SGO2: variants seen among roughly 807,000 people sequenced by gnomAD.
SGO2 encodes shugoshin-like 2.
SGO2 carries 68 observed loss-of-function variants against 99.5 expected under a neutral mutation model. That is an observed-to-expected ratio of 0.68 (90% CI 0.56 to 0.84). The LOEUF is 0.84. SGO2 is among the 40% of genes least tolerant of loss of function. SGO2 has a pLI of 0.00. For missense variants in SGO2, 1,350 were observed against 1,436.7 expected (o/e 0.94, Z 0.97); for synonymous variants, 457 against 487.1 (o/e 0.94, Z 0.81).
chr2:200,562,767 C>T (rs2033025294), intron 5 of SGO2, among the ~76,000 whole-genome samples: 1 of 152,076 alleles, frequency 6.6e-6, no homozygotes. Flanking sequence ...TGAAGAGGTC[C>T]TTCACATCCC....
chr2:200,550,763 G>A (rs1333772416), intron 5 of SGO2, among the ~76,000 whole-genome samples: 10 of 152,030 alleles, frequency 6.6e-5, no homozygotes, highest in Admixed American at 6.6e-4. Context: ...AACACTTCAG[G>A]AGTGATCTGG....
intron 5 of SGO2, among the ~76,000 whole-genome samples, chr2:200,544,482 A>G (rs949067518): frequency 1.3e-5 from 2 of 152,078 alleles, no homozygotes; most frequent in African/African-American, 4.8e-5. Context: ...GGATTTTACC[A>G]TGTTGGCCAG....
intron 1 of SGO2, among the ~76,000 whole-genome samples, chr2:200,529,137 G>A (rs1458781674): frequency 6.6e-6 from 1 of 152,190 alleles, no homozygotes; most frequent in African/African-American, 2.4e-5. Context: ...AAGGAGTTTT[G>A]CTGTGAAGGG....
At chr2:200,537,755 G>C (rs2031761503) in intron 4 of SGO2, among the ~76,000 whole-genome samples, 1 of 151,992 alleles carries the variant, frequency 6.6e-6, no homozygotes, top group South Asian at 2.1e-4. Flanking sequence ...TGTAACTCCA[G>C]CCTGACCATC....
intron 2 of SGO2, among the ~76,000 whole-genome samples, chr2:200,534,111 T>C (rs1305358941): frequency 6.6e-6 from 1 of 152,212 alleles, no homozygotes; most frequent in Non-Finnish European, 1.5e-5. Flanking sequence ...TCCCAAGTTT[T>C]CCCTGAGTAC....
At chr2:200,579,576 T>C (rs1198932315) in intron 8 of SGO2, among the ~76,000 whole-genome samples, 1 of 152,218 alleles carries the variant, frequency 6.6e-6, no homozygotes, top group African/African-American at 2.4e-5. Flanking sequence ...TGAATGATTG[T>C]TGAATTTTGT....
At chr2:200,533,145 A>ATCTACAACTTTTCCT in intron 2 of SGO2, 37 bp downstream of exon 2, 1 of 1,516,378 alleles carries the variant, frequency 6.6e-7, no homozygotes, top group Non-Finnish European at 8.8e-7. Context: ...CTCACGTTTT[A>ATCTACAACTTTTCCT]ACTTTTCCCC....
chr2:200,541,043 A>G (rs2031938717), intron 4 of SGO2, among the ~76,000 whole-genome samples: 2 of 152,220 alleles, frequency 1.3e-5, no homozygotes, highest in South Asian at 2.1e-4. Context: ...AAGGCAAGAA[A>G]GCATGCAAGA....
Position 200,573,550 on chromosome 2 carries a change from G to C in SGO2, c.3204G>C (p.Gln1068His). 1.2e-6 allele frequency: 2 copies of C among 1,606,916 alleles called. No homozygotes were observed. Among genetic ancestry groups the C allele is most frequent in the South Asian group, 2.2e-5 (2 of 89,102 alleles). The change falls in exon 7 of 9, where the codon CAG (glutamine) becomes CAC (histidine). Residue 1068 changes from glutamine (Q) to histidine (H), a missense_variant. Physicochemically the swap from Gln to His is conservative, Grantham distance 24. Coordinates refer to ENST00000357799, the MANE Select transcript of SGO2 (RefSeq NM_152524.6). ...AAGAAATAAAAGAAGGAGAGTGTCA[G>C]GTTAAAAAGGTAAATAAAATGACAT... The part of the protein sequence containing the change: ...FVEEIKEGEC[Q>H]VKKVNKMTSK...
chr2:200,563,633 G>A (rs1331894712), intron 5 of SGO2, among the ~76,000 whole-genome samples: 1 of 152,174 alleles, frequency 6.6e-6, no homozygotes, highest in Admixed American at 6.5e-5. Flanking sequence ...AGAAGGAATG[G>A]TACCAACTCC....
At chr2:200,582,105 T>C (rs1247205747) in intron 8 of SGO2, among the ~76,000 whole-genome samples, 1 of 152,178 alleles carries the variant, frequency 6.6e-6, no homozygotes, top group Non-Finnish European at 1.5e-5. Flanking sequence ...GGTGCAGGAA[T>C]CTACCCTCTT....
intron 8 of SGO2, among the ~76,000 whole-genome samples, chr2:200,579,390 A>G (rs1053020616): frequency 2.6e-5 from 4 of 152,308 alleles, no homozygotes; most frequent in Non-Finnish European, 1.5e-5. Context: ...CTCAGGTACA[A>G]TGTTAAAATA....
At position 200,551,694 on chromosome 2, in the gene SGO2, A is replaced by AT. The variant is rs570104102; in HGVS notation, c.473+9040dup. ...GGTATGATGGGAGGGAAGGGTCATA[A>AT]TTTTTTTTTTCATGTAGGTATCTTA... On this transcript the variant is annotated intron_variant, in intron 5 of 8. Transcript: ENST00000357799. Among the ~76,000 whole-genome samples the AT allele has an allele frequency of 1.8e-3, 269 of 149,952 alleles. 10 individuals are homozygous for AT. The South Asian group carries it at 0.051, about 28-fold the overall frequency.
rs186335866 is a variant in SGO2 at position 200,548,228 on chromosome 2, G to A, written c.473+5564G>A. 5.1e-3 allele frequency among the ~76,000 whole-genome samples: 772 copies of A among 151,174 alleles called. 1 individual carries two copies. The highest frequency in any genetic ancestry group is 0.014 in the Middle Eastern group (4 of 294). Reference sequence around the variant, plus strand: ...TTTTTAAGAATAGACCATATCTTAGGCACAAACAAATCTGTACAAGTTCAA... The same window carrying A: ...TTTTTAAGAATAGACCATATCTTAGACACAAACAAATCTGTACAAGTTCAA... On this transcript the variant is annotated intron_variant, in intron 5 of 8. Coordinates refer to ENST00000357799, the MANE Select transcript of SGO2 (RefSeq NM_152524.6).
intron 4 of SGO2, among the ~76,000 whole-genome samples, chr2:200,537,177 G>T (rs965939484): frequency 2.0e-5 from 3 of 151,970 alleles, no homozygotes; most frequent in African/African-American, 7.2e-5. Context: ...GGACACTTGG[G>T]TTATCCTTTG....
intron 5 of SGO2, 80 bp downstream of exon 5, chr2:200,542,744 G>A: frequency 3.2e-6 from 4 of 1,248,248 alleles, no homozygotes; most frequent in East Asian, 4.8e-5. Context: ...GTATTGTACA[G>A]TGTTCAGGAT....
At chr2:200,555,166 A>G (rs1357455443) in intron 5 of SGO2, among the ~76,000 whole-genome samples, 1 of 152,240 alleles carries the variant, frequency 6.6e-6, no homozygotes, top group Non-Finnish European at 1.5e-5. Flanking sequence ...CTTTTCCCAA[A>G]GATTAGTTAA....
Position 200,573,669 on chromosome 2 carries a change from C to G in SGO2, c.3323C>G (p.Thr1108Ser). The change falls in exon 7 of 9, where the codon ACT (threonine) becomes AGT (serine). Residue 1108 changes from threonine to serine, a missense_variant. By Grantham distance (58) the Thr-to-Ser change is moderately conservative (BLOSUM62 1). Transcript: ENST00000357799. ...CTTGACAGCGTTCAGGGAAAGTCTACTGTATCTGAACAAGCTGATAAGGAA... is the reference window on the plus strand; with the variant it reads ...CTTGACAGCGTTCAGGGAAAGTCTAGTGTATCTGAACAAGCTGATAAGGAA... The part of the protein sequence containing the change: ...RILDSVQGKS[T>S]VSEQADKENN... 1.2e-6 allele frequency: 2 copies of G among 1,613,334 alleles called. No homozygotes were observed. Among genetic ancestry groups the G allele is most frequent in the Non-Finnish European group, 1.7e-6 (2 of 1,179,524 alleles).
In SGO2 at chr2:200,533,006, C is replaced by T. The variant is rs756217216; in HGVS notation, c.31C>T (p.Leu11Phe). Residue 11 changes from leucine to phenylalanine, a missense_variant, in exon 2 of 9, where the codon CTT becomes TTT. By Grantham distance (22) the Leu-to-Phe change is conservative. Transcript: ENST00000357799. The part of the protein sequence containing the change: MECPVMETGS[L>F]FTSGIKRHLK... ...GTGCCCAGTGATGGAAACTGGCTCA[C>T]TTTTTACCTCAGGAATTAAGAGACA... The T allele has an allele frequency of 1.6e-5, 26 of 1,609,970 alleles. No homozygotes were observed. The East Asian group carries it at 5.6e-4, about 35-fold the overall frequency.
Sources: allele counts gnomAD v4.1 joint callset (sites outside exome capture counted in the v4.1 genomes callset), GRCh38; gene constraint gnomAD v4.1.1; transcripts MANE v1.5; gene names NCBI Gene and HGNC (gene_info 2026-07-23, HGNC 2026-07-21).